Variants in MLPH observed in about 807,000 individuals in gnomAD.
MLPH encodes exophilin-3.
In MLPH, 51 loss-of-function variants were observed where a neutral mutation model predicts 72.1. That is an observed-to-expected ratio of 0.71 (90% CI 0.56 to 0.89). The LOEUF is 0.89. Ranked by LOEUF, MLPH falls within the 40% of genes least tolerant of loss-of-function variation. The probability of loss-of-function intolerance (pLI) is 0.00; values close to 1 mark genes in which losing one functional copy is unlikely to be tolerated. For missense variants in MLPH, 743 were observed against 759.9 expected (o/e 0.98, Z 0.26); for synonymous variants, 301 against 310.1 (o/e 0.97, Z 0.31).
In MLPH at chr2:237,525,672, TG is replaced by T; in HGVS notation, c.751del (p.Ala251ProfsTer73). ...KAEGLEEADT[G>X]ASGCHSHPEE... ...CTGAGGGCCTGGAGGAGGCTGATAC[TG>T]GGGCCTCTGGGTGCCACTCCCATCC... On this transcript the variant is annotated frameshift_variant, in exon 7 of 16. Coordinates refer to ENST00000264605, the MANE Select transcript of MLPH (RefSeq NM_024101.7). LOFTEE classifies it high-confidence loss of function. 6.2e-7 allele frequency: 1 copy of T among 1,614,180 alleles called. No individual in the cohort carries two copies. The highest frequency in any genetic ancestry group is 8.5e-7 in the Non-Finnish European group (1 of 1,180,022).
At chr2:237,552,477 C>A (rs376687010) in intron 15 of MLPH, 40 bp downstream of exon 15, 150 of 1,517,984 alleles carry the variant, frequency 9.9e-5, no homozygotes, top group Non-Finnish European at 1.3e-4. Flanking sequence ...TTTTAAAGTT[C>A]AGTGACCCGT....
At chr2:237,488,336 T>G (rs1438445209) in intron 1 of MLPH, among the ~76,000 whole-genome samples, 3 of 152,056 alleles carry the variant, frequency 2.0e-5, no homozygotes, top group Non-Finnish European at 2.9e-5. Context: ...AGCAGTGACA[T>G]TGACACCCCG....
chr2:237,530,095 CAGG>C (rs2080388453), intron 8 of MLPH, among the ~76,000 whole-genome samples: 1 of 152,230 alleles, frequency 6.6e-6, no homozygotes, highest in South Asian at 2.1e-4. Flanking sequence ...TTTCGGTGCA[CAGG>C]ACGACCTGAG....
At chr2:237,487,689 CG>C (rs1377271483) in intron 1 of MLPH, among the ~76,000 whole-genome samples, 3 of 152,186 alleles carry the variant, frequency 2.0e-5, no homozygotes, top group Admixed American at 6.5e-5. Flanking sequence ...AGTGGGATGG[CG>C]GGGGATCCCC....
Position 237,494,186 on chromosome 2 carries a change from G to T in MLPH, c.110+650G>T, listed in dbSNP as rs140640353. ...GAGAGGATGCTCCCGGCGAAGGGGG[G>T]GGCAGAGAGCAGAGGACAGAGGGCA... On this transcript the variant is annotated intron_variant, in intron 2 of 15. Transcript: ENST00000264605. Among the ~76,000 whole-genome samples the T allele has an allele frequency of 1.4e-4, 21 of 152,300 alleles. No homozygotes were observed. In the East Asian group the frequency reaches 3.9e-3, roughly 28 times the overall value.
chr2:237,545,617 G>A lies in MLPH; in HGVS notation c.1540-989G>A, dbSNP rs751017295. ...TGGATGTGACTAGAACGGAGGGCGC[G>A]GGAGGCTCACATCAGAGGAGCTGCT... On this transcript the variant is annotated intron_variant, in intron 12 of 15. Coordinates refer to ENST00000264605, the MANE Select transcript of MLPH (RefSeq NM_024101.7). The A allele has an allele frequency of 2.4e-5, 31 of 1,286,104 alleles. No individual in the cohort carries two copies. The East Asian group carries it at 3.3e-4, about 14-fold the overall frequency. 79.7% of individuals were successfully genotyped at this position (1,286,104 alleles called of 1,614,324 possible).
intron 2 of MLPH, among the ~76,000 whole-genome samples, chr2:237,504,469 T>C (rs929893470): frequency 2.0e-5 from 3 of 152,076 alleles, no homozygotes; most frequent in Non-Finnish European, 4.4e-5. Context: ...CCACCCACCT[T>C]GGCCTCCCAA....
rs764888763 is a variant in MLPH at position 237,540,552 on chromosome 2, G to A, written c.1290+19G>A. 6.2e-7 allele frequency: 1 copy of A among 1,604,636 alleles called. No homozygotes were observed. Among genetic ancestry groups the A allele is most frequent in the South Asian group, 1.1e-5 (1 of 90,018 alleles). ...CCCGGAGGTAAGACTATCCCCCAGA[G>A]GTCTCAGCAGGACCCTGCAGAGGTA... On this transcript the variant is annotated intron_variant, in intron 10 of 15. Transcript: ENST00000264605.
intron 2 of MLPH, among the ~76,000 whole-genome samples, chr2:237,496,329 G>A (rs1234416590): frequency 6.6e-6 from 1 of 152,192 alleles, no homozygotes; most frequent in Non-Finnish European, 1.5e-5. Flanking sequence ...TCTTCCAGGG[G>A]ACTGCTGAGT....
At chr2:237,518,319 GTGAATAGA>G in intron 4 of MLPH, 1 of 635,972 alleles carries the variant, frequency 1.6e-6, no homozygotes, top group Non-Finnish European at 2.9e-6. Flanking sequence ...GGGTGGGTAG[GTGAATAGA>G]TGAATAGATT....
At chr2:237,517,304 TGGATGAAC>T (rs2080058557) in intron 4 of MLPH, among the ~76,000 whole-genome samples, 1 of 150,440 alleles carries the variant, frequency 6.6e-6, no homozygotes, top group Non-Finnish European at 1.5e-5. Flanking sequence ...CATGGATGGA[TGGATGAAC>T]GGATGGATGG....
intron 9 of MLPH, among the ~76,000 whole-genome samples, chr2:237,536,598 C>A (rs2080535357): frequency 6.6e-6 from 1 of 152,166 alleles, no homozygotes; most frequent in Non-Finnish European, 1.5e-5. Flanking sequence ...CCAACACAAG[C>A]TCCAGCGCCC....
intron 14 of MLPH, among the ~76,000 whole-genome samples, chr2:237,549,487 G>A (rs894221140): frequency 2.6e-5 from 4 of 152,192 alleles, no homozygotes; most frequent in African/African-American, 7.2e-5. Context: ...TGCTTTAAGC[G>A]TGCAAAGGGG....
rs763253632 is a variant in MLPH at position 237,493,482 on chromosome 2, T to C, written c.56T>C (p.Leu19Ser). 6 of 1,614,092 alleles carry C rather than the reference T, an allele frequency of 3.7e-6. No individual in the cohort carries two copies. The highest frequency in any genetic ancestry group is 1.1e-5 in the South Asian group (1 of 91,078). The stretch of plus-strand genomic sequence containing the variant: ...ACTGATGAAGAGGCCCAGCATGTCT[T>C]GGAAGTTGTTCAACGAGATTTTGAC... ...KLTDEEAQHV[L>S]EVVQRDFDLR... The change falls in exon 2 of 16, where the codon TTG (leucine) becomes TCG (serine). Residue 19 changes from leucine to serine, a missense_variant. Transcript: ENST00000264605.
In MLPH at chr2:237,542,524, G is replaced by A. The variant is rs28418886; in HGVS notation, c.1447-43G>A. 0.16 allele frequency: 231,430 copies of A among 1,481,640 alleles called. 20,535 individuals carry two copies. Among genetic ancestry groups the A allele is most frequent in the Non-Finnish European group, 0.18 (198,790 of 1,080,304 alleles). The allele number at this position is 1,481,640 out of a possible 1,614,324, so 91.8% of individuals were successfully genotyped here. A position where few individuals can be genotyped will look rare whatever the true frequency, so the allele number is the denominator to read the frequency against. On this transcript the variant is annotated intron_variant, in intron 11 of 15. Transcript: ENST00000264605. ...GTCCATGACTTTGAGGCGGGATCTC[G>A]AGCGTCTGTCTGACGGGCCTTCTGT...
chr2:237,491,472 A>G (rs1314940472), intron 1 of MLPH, among the ~76,000 whole-genome samples: 1 of 152,272 alleles, frequency 6.6e-6, no homozygotes, highest in Non-Finnish European at 1.5e-5. Context: ...AGCCTGCTGC[A>G]CACCAGGGAG....
chr2:237,534,660 G>A lies in MLPH; in HGVS notation c.1104+13G>A. ...TCCCTTGGCCAAGGTAACACTGGGGGCTGGGCAAAGAGAAAGGGCCCCCAC... is the reference window on the plus strand; with the variant it reads ...TCCCTTGGCCAAGGTAACACTGGGGACTGGGCAAAGAGAAAGGGCCCCCAC... On this transcript the variant is annotated intron_variant, in intron 9 of 15. Transcript: ENST00000264605. The A allele has an allele frequency of 1.2e-6, 2 of 1,610,624 alleles. No homozygotes were observed. Among genetic ancestry groups the A allele is most frequent in the Non-Finnish European group, 1.7e-6 (2 of 1,176,944 alleles).
At chr2:237,504,518 A>G (rs2079722398) in intron 2 of MLPH, among the ~76,000 whole-genome samples, 1 of 152,186 alleles carries the variant, frequency 6.6e-6, no homozygotes, top group Admixed American at 6.5e-5. Flanking sequence ...GCAACTGACC[A>G]GCATTTGCAT....
intron 5 of MLPH, 139 bp from the exon 6 acceptor site, chr2:237,519,771 G>A: frequency 8.1e-7 from 1 of 1,234,812 alleles, no homozygotes; most frequent in Non-Finnish European, 1.2e-6. Flanking sequence ...GTTCCTAGTG[G>A]AGGGGGTGGA....
Sources: gnomAD v4.1 joint callset for allele counts (sites outside exome capture counted in the v4.1 genomes callset) on GRCh38, gnomAD v4.1.1 for gene constraint, MANE v1.5 for transcripts, NCBI Gene and HGNC (gene_info 2026-07-23, HGNC 2026-07-21) for gene names.